Variants in NOL4 observed in about 807,000 individuals in gnomAD.
NOL4 encodes the protein cancer/testis antigen 125.
NOL4 carries 17 observed loss-of-function variants against 75.9 expected under a neutral mutation model. The ratio of observed to expected loss-of-function variants is 0.22; its 90% CI spans 0.15 to 0.34. The LOEUF is 0.34. Among genes scored for constraint, NOL4 ranks in the 10% least tolerant of loss-of-function variants. The probability of loss-of-function intolerance (pLI) is 1.00; values close to 1 mark genes in which losing one functional copy is unlikely to be tolerated. For synonymous variants in NOL4, 292 were observed against 289.9 expected, an observed-to-expected ratio of 1.01 and a Z score of -0.07; for missense variants, 614 against 793.5, an observed-to-expected ratio of 0.77 and a Z score of 2.72.
chr18:33,940,885 A>T (rs936197290), intron 9 of NOL4, among the ~76,000 whole-genome samples: 1 of 151,774 alleles, frequency 6.6e-6, no homozygotes, highest in Non-Finnish European at 1.5e-5. Context: ...TCTAGTCCCT[A>T]CTCCTGGTGC....
At chr18:33,861,046 T>C (rs901719326) in intron 10 of NOL4, among the ~76,000 whole-genome samples, 30 of 152,212 alleles carry the variant, frequency 2.0e-4, no homozygotes, top group African/African-American at 7.2e-4. Flanking sequence ...CAGTATTTTA[T>C]TGAGGATTTT....
At chr18:33,859,463 A>AATG (rs1172519097) in intron 10 of NOL4, among the ~76,000 whole-genome samples, 3 of 152,036 alleles carry the variant, frequency 2.0e-5, no homozygotes, top group Admixed American at 6.6e-5. Context: ...TTCTGGTGTA[A>AATG]CTTTTTTTGT....
At chr18:33,964,758 C>T (rs758470267) in intron 6 of NOL4, among the ~76,000 whole-genome samples, 5 of 152,156 alleles carry the variant, frequency 3.3e-5, no homozygotes, top group Non-Finnish European at 7.4e-5. Context: ...TTGAGAACCA[C>T]TTGTCTGGAG....
chr18:33,900,829 A>C (rs1250469370), intron 9 of NOL4, among the ~76,000 whole-genome samples: 1 of 152,192 alleles, frequency 6.6e-6, no homozygotes, highest in Non-Finnish European at 1.5e-5. Flanking sequence ...TTTACAGGCC[A>C]GTGAGTTTGT....
At chr18:33,943,950 C>T (rs2145582754) in intron 8 of NOL4, among the ~76,000 whole-genome samples, 1 of 151,872 alleles carries the variant, frequency 6.6e-6, no homozygotes. Flanking sequence ...ATAACCATAA[C>T]AAAAATTATG....
intron 2 of NOL4, among the ~76,000 whole-genome samples, chr18:34,114,954 G>T (rs979735450): frequency 1.3e-5 from 2 of 152,048 alleles, no homozygotes; most frequent in African/African-American, 4.8e-5. Flanking sequence ...TCTTCAACTT[G>T]AGTCATGGGA....
At chr18:33,854,011 TATTAA>T (rs1479874293) in intron 10 of NOL4, among the ~76,000 whole-genome samples, 1 of 152,176 alleles carries the variant, frequency 6.6e-6, no homozygotes, top group African/African-American at 2.4e-5. Flanking sequence ...TTACTGTAGT[TATTAA>T]ATTTGCAGTA....
intron 10 of NOL4, among the ~76,000 whole-genome samples, chr18:33,876,915 C>T (rs2063962969): frequency 6.6e-6 from 1 of 151,994 alleles, no homozygotes. Context: ...CATCACTTCC[C>T]TTGCTACCAC....
intron 6 of NOL4, among the ~76,000 whole-genome samples, chr18:33,959,398 GAGT>G (rs961838464): frequency 2.6e-5 from 4 of 151,984 alleles, no homozygotes; most frequent in African/African-American, 9.7e-5. Flanking sequence ...GATTATTCCA[GAGT>G]AAGTTTGGAA....
chr18:33,981,465 G>A (rs2071952140), intron 6 of NOL4, among the ~76,000 whole-genome samples: 1 of 151,872 alleles, frequency 6.6e-6, no homozygotes, highest in African/African-American at 2.4e-5. Flanking sequence ...TAGCTAGAGA[G>A]GAGCAAAGAT....
At chr18:34,078,303 G>A (rs766818433) in intron 5 of NOL4, among the ~76,000 whole-genome samples, 1 of 152,184 alleles carries the variant, frequency 6.6e-6, no homozygotes, top group Non-Finnish European at 1.5e-5. Context: ...TGTGTCTGAA[G>A]TGAAGTTAAT....
chr18:34,072,627 AAAC>A (rs1411743625), intron 5 of NOL4, among the ~76,000 whole-genome samples: 1 of 152,176 alleles, frequency 6.6e-6, no homozygotes, highest in African/African-American at 2.4e-5. Context: ...ATACCACACA[AAAC>A]AACTGTGTAA....
chr18:34,098,225 A>G (rs1157722959), intron 4 of NOL4, among the ~76,000 whole-genome samples: 1 of 152,154 alleles, frequency 6.6e-6, no homozygotes, highest in Non-Finnish European at 1.5e-5. Flanking sequence ...GGTCAATAGA[A>G]ATATGGCAGA....
chr18:34,030,183 T>C (rs2075565006), intron 5 of NOL4, among the ~76,000 whole-genome samples: 1 of 152,210 alleles, frequency 6.6e-6, no homozygotes, highest in Non-Finnish European at 1.5e-5. Context: ...CTATTATATT[T>C]GATATTCTTA....
intron 4 of NOL4, among the ~76,000 whole-genome samples, chr18:34,101,674 A>G (rs2079047253): frequency 6.6e-6 from 1 of 152,020 alleles, no homozygotes; most frequent in African/African-American, 2.4e-5. Context: ...TCAAAGGCCA[A>G]TTTCTCATGC....
intron 9 of NOL4, among the ~76,000 whole-genome samples, chr18:33,888,972 G>C (rs562006589): frequency 7.0e-4 from 106 of 152,108 alleles, no homozygotes; most frequent in African/African-American, 2.5e-3. Context: ...AGAGAAGCAA[G>C]AGCAAACAAA....
intron 8 of NOL4, among the ~76,000 whole-genome samples, chr18:33,945,297 A>C (rs768443643): frequency 4.0e-5 from 6 of 151,718 alleles, no homozygotes; most frequent in Non-Finnish European, 5.9e-5. Flanking sequence ...AAAATTAGGA[A>C]TATATAAAGC....
intron 9 of NOL4, among the ~76,000 whole-genome samples, chr18:33,888,998 A>C (rs1264855316): frequency 6.6e-6 from 1 of 152,148 alleles, no homozygotes; most frequent in Admixed American, 6.6e-5. Context: ...AGCTAGCAGA[A>C]GGCAAGAAAT....
intron 6 of NOL4, among the ~76,000 whole-genome samples, chr18:33,971,616 A>G (rs2071069912): frequency 6.6e-6 from 1 of 152,146 alleles, no homozygotes. Flanking sequence ...TGGGAGACCT[A>G]AGAGAAAATG....
Sources: gnomAD v4.1 joint callset for allele counts (sites outside exome capture counted in the v4.1 genomes callset) on GRCh38, gnomAD v4.1.1 for gene constraint, MANE v1.5 for transcripts, NCBI Gene and HGNC (gene_info 2026-07-23, HGNC 2026-07-21) for gene names.